The following CRHR2 variants were observed in gnomAD, a reference collection of about 807,000 sequenced individuals.
CRHR2 encodes the protein corticotropin-releasing hormone receptor 2.
A neutral mutation model predicts 57.9 loss-of-function variants in CRHR2; 53 were observed. The ratio of observed to expected loss-of-function variants is 0.92; its 90% confidence interval spans 0.73 to 1.15. The LOEUF is 1.15. Ranked by LOEUF, CRHR2 falls within the 50% of genes most tolerant of loss-of-function variation. CRHR2 has a pLI of 0.00. For missense variants in CRHR2, 532 were observed against 542.6 expected (o/e 0.98, Z 0.19); for synonymous variants, 213 against 220.9 (o/e 0.96, Z 0.32).
intron 5 of CRHR2, among the ~76,000 whole-genome samples, chr7:30,664,016 G>A (rs767672243): frequency 9.2e-5 from 14 of 152,214 alleles, no homozygotes; most frequent in Non-Finnish European, 1.8e-4. Context: ...TCCTGCTGAG[G>A]TGGGAAGCTA....
chr7:30,679,823 G>A (rs905352060), intron 2 of CRHR2, among the ~76,000 whole-genome samples: 1 of 152,138 alleles, frequency 6.6e-6, no homozygotes, highest in Non-Finnish European at 1.5e-5. Flanking sequence ...GAAAGGGGAG[G>A]AGGGAAATCA....
At chr7:30,687,279 G>A (rs929293776), upstream of CRHR2, among the ~76,000 whole-genome samples, 6 of 152,032 alleles carry the variant, frequency 3.9e-5, no homozygotes, top group Non-Finnish European at 7.4e-5. Context: ...TCCACCATCC[G>A]GTCATGGTTC....
At chr7:30,678,246 T>G (rs191597536) in intron 2 of CRHR2, among the ~76,000 whole-genome samples, 1 of 152,358 alleles carries the variant, frequency 6.6e-6, no homozygotes, top group African/African-American at 2.4e-5. Context: ...AGAACCTGGG[T>G]TTGAATCCTT....
At chr7:30,681,220 G>C (rs1279402277) in intron 2 of CRHR2, among the ~76,000 whole-genome samples, 2 of 152,152 alleles carry the variant, frequency 1.3e-5, no homozygotes, top group Admixed American at 6.5e-5. Context: ...AGGAAGGCAG[G>C]CACAGGTTGT....
In CRHR2 at chr7:30,665,142, G is replaced by A; in HGVS notation, c.471C>T (p.Thr157=). Residue 157 remains threonine (T), a synonymous_variant, in exon 5 of 12, where the codon ACC becomes ACT. Transcript: ENST00000471646. This position sits in a 1 kb window ranked among gnomAD's most constrained non-coding sequence, Gnocchi z 4.5. The stretch of plus-strand genomic sequence containing the variant: ...ACATGACATTTCGCAGGATAAAGGT[G>A]GTGATGAGGTTCCAGTGAATCACAT... ...LRNVIHWNLI[T]TFILRNVMWF... The A allele has an allele frequency of 6.2e-7, 1 of 1,614,112 alleles. No homozygotes were observed. The highest frequency in any genetic ancestry group is 8.5e-7 in the Non-Finnish European group (1 of 1,180,008).
At chr7:30,675,373 A>G (rs1233695039) in intron 2 of CRHR2, among the ~76,000 whole-genome samples, 1 of 152,226 alleles carries the variant, frequency 6.6e-6, no homozygotes, top group East Asian at 1.9e-4. Context: ...CTTAAGGAGC[A>G]GGTGGGAGGA....
rs201638972 is a variant in CRHR2 at position 30,682,053 on chromosome 7, G to C, written c.104-13C>G. On this transcript the variant is annotated splice_polypyrimidine_tract_variant and intron_variant, in intron 1 of 11. Transcript: ENST00000471646. ...TAGGAGTAGGGACCTGGCGGCGGGA[G>C]AGAGCGCAGTAGGGCTCAGAGGGGC... 7 of 1,573,110 alleles carry C rather than the reference G, an allele frequency of 4.4e-6. No homozygotes were observed. The East Asian group carries it at 1.6e-4, about 37-fold the overall frequency.
At chr7:30,676,659 C>A (rs980463801) in intron 2 of CRHR2, among the ~76,000 whole-genome samples, 9 of 152,250 alleles carry the variant, frequency 5.9e-5, no homozygotes, top group African/African-American at 2.2e-4. Flanking sequence ...TGATAAGCAG[C>A]CTGGGGCTTC....
Position 30,682,148 on chromosome 7 carries a change from G to A in CRHR2, c.103+30C>T, listed in dbSNP as rs369878209. The stretch of plus-strand genomic sequence containing the variant: ...CCAGCGCGCGAGAGAAGGAGCCCGC[G>A]CAGCCTCCGACCGCTCGCCTCCCGC... On this transcript the variant is annotated intron_variant, in intron 1 of 11. Transcript: ENST00000471646. 4 of 1,537,868 alleles carry A rather than the reference G, an allele frequency of 2.6e-6. No homozygotes were observed. The African/African-American group carries it at 4.2e-5, about 16-fold the overall frequency.
At chr7:30,695,536 G>A (rs1387022726) in intron 1 of CRHR2, among the ~76,000 whole-genome samples, 1 of 151,996 alleles carries the variant, frequency 6.6e-6, no homozygotes, top group Non-Finnish European at 1.5e-5. Flanking sequence ...ACTGACTGGA[G>A]TAGGAGGGGG....
chr7:30,655,456 ACT>A, intron 10 of CRHR2, 122 bp downstream of exon 10: 1 of 1,248,240 alleles, frequency 8.0e-7, no homozygotes, highest in East Asian at 2.4e-5. Context: ...CGGGCTTCTA[ACT>A]CTGTGGATGT....
intron 1 of CRHR2, chr7:30,689,404 A>G (rs559685008): frequency 2.2e-5 from 18 of 828,248 alleles, no homozygotes; most frequent in Admixed American, 4.2e-5. Context: ...GAGAGGGAGA[A>G]CAAGGAGGGA....
chr7:30,692,316 G>GC (rs1199684986), intron 1 of CRHR2, among the ~76,000 whole-genome samples: 1 of 152,120 alleles, frequency 6.6e-6, no homozygotes, highest in Non-Finnish European at 1.5e-5. Context: ...GAAACCCTGT[G>GC]CCCCCCTTCC....
chr7:30,667,661 GTC>G (rs1328171322), intron 2 of CRHR2, among the ~76,000 whole-genome samples: 1 of 152,220 alleles, frequency 6.6e-6, no homozygotes, highest in Admixed American at 6.5e-5. Context: ...TTACATCCTT[GTC>G]TCAATTGTTT....
In CRHR2 at chr7:30,662,132, C is replaced by A. The variant is rs201449864; in HGVS notation, c.758+24G>T. The A allele has an allele frequency of 5.8e-5, 93 of 1,613,424 alleles. No homozygotes were observed. In the African/African-American group the frequency reaches 1.1e-3, roughly 20 times the overall value. Reference sequence around the variant, plus strand: ...ACCCCCATTCCCTTCCCCATGACCCCCCATGGCTGGCCCATCCACTTACTG... The same window carrying A: ...ACCCCCATTCCCTTCCCCATGACCCACCATGGCTGGCCCATCCACTTACTG... On this transcript the variant is annotated intron_variant, in intron 7 of 11. Transcript: ENST00000471646.
At chr7:30,657,135 C>T (rs1402591433) in intron 8 of CRHR2, among the ~76,000 whole-genome samples, 1 of 152,078 alleles carries the variant, frequency 6.6e-6, no homozygotes, top group African/African-American at 2.4e-5. Flanking sequence ...CAAGAAAATC[C>T]ATTGCTTCTT....
intron 9 of CRHR2, 81 bp from the exon 10 acceptor site, chr7:30,655,796 G>A (rs1355479250): frequency 5.7e-6 from 9 of 1,590,992 alleles, no homozygotes; most frequent in Non-Finnish European, 6.9e-6. Context: ...GACAGTGGTG[G>A]TGTTTCTTCC....
At chr7:30,670,709 G>A (rs747896045) in intron 2 of CRHR2, among the ~76,000 whole-genome samples, 5 of 152,244 alleles carry the variant, frequency 3.3e-5, no homozygotes, top group Non-Finnish European at 4.4e-5. Flanking sequence ...CATCCACCCC[G>A]TGGGAAACGT....
rs751563535 is a variant in CRHR2, at chr7:30,653,488, T to C, written c.1208A>G (p.His403Arg). ...IPTSPTRISF[H>R]SIKQTAAV is the part of the protein sequence containing the mutation. ...CACAGCGGCCGTCTGCTTGATGCTG[T>C]GGAAGCTGATCCGTGTGGGTGATGT... The change falls in exon 12 of 12, where the codon CAC becomes CGC. Residue 403 changes from histidine (H) to arginine (R), a missense_variant. His to Arg is a conservative substitution (Grantham distance 29, BLOSUM62 0). Coordinates refer to ENST00000471646, the MANE Select transcript of CRHR2 (RefSeq NM_001883.5). This position sits in a 1 kb window ranked among gnomAD's most constrained non-coding sequence, Gnocchi z 5.0. 6.2e-7 allele frequency: 1 copy of C among 1,613,530 alleles called. No individual in the cohort carries two copies. Among genetic ancestry groups the C allele is most frequent in the South Asian group, 1.1e-5 (1 of 91,062 alleles).
Sources: allele counts gnomAD v4.1 joint callset (sites outside exome capture counted in the v4.1 genomes callset), GRCh38; gene constraint gnomAD v4.1.1; non-coding constraint Gnocchi (gnomAD v3.1); transcripts MANE v1.5; gene names NCBI Gene and HGNC (gene_info 2026-07-23, HGNC 2026-07-21).